The following SLC39A11 variants were observed in gnomAD, a reference collection of about 807,000 sequenced individuals.
The protein encoded by SLC39A11 is zinc transporter ZIP11.
Under a neutral mutation model 36.1 loss-of-function variants are expected in SLC39A11, and 33 were observed. The observed-to-expected ratio is 0.91, with a 90% CI of 0.69 to 1.22. The LOEUF is 1.22. SLC39A11 is among the 50% of genes most tolerant of loss of function. SLC39A11 has a pLI of 0.00. For synonymous variants in SLC39A11, 166 were observed against 170.3 expected, an observed-to-expected ratio of 0.97 and a Z score of 0.20; for missense variants, 432 against 430.3, an observed-to-expected ratio of 1.00 and a Z score of -0.03.
chr17:72,761,337 A>T (rs11077631), intron 6 of SLC39A11, among the ~76,000 whole-genome samples: 18,759 of 151,494 alleles, frequency 0.12, 1,265 homozygotes, highest in Middle Eastern at 0.19. Flanking sequence ...CTGGTCTCGA[A>T]CTCCTGACCT....
At chr17:72,963,784 A>T (rs910750692) in intron 4 of SLC39A11, among the ~76,000 whole-genome samples, 1 of 152,184 alleles carries the variant, frequency 6.6e-6, no homozygotes, top group Non-Finnish European at 1.5e-5. Flanking sequence ...TCAGCCATCC[A>T]GGGAAGATAT....
At chr17:73,008,890 C>CA (rs200771104) in intron 4 of SLC39A11, among the ~76,000 whole-genome samples, 29 of 148,744 alleles carry the variant, frequency 1.9e-4, no homozygotes, top group African/African-American at 5.8e-4. Context: ...GCTGTCACTA[C>CA]AAAAAAAAAT....
chr17:72,903,125 G>A (rs2082478874), intron 5 of SLC39A11, among the ~76,000 whole-genome samples: 1 of 152,032 alleles, frequency 6.6e-6, no homozygotes, highest in Non-Finnish European at 1.5e-5. Context: ...AATTAGCAGG[G>A]CGTGGTGGCA....
chr17:72,761,501 G>A (rs1402551005), intron 6 of SLC39A11, among the ~76,000 whole-genome samples: 1 of 152,190 alleles, frequency 6.6e-6, no homozygotes, highest in African/African-American at 2.4e-5. Flanking sequence ...TGAAAGGGGA[G>A]GGTGATGTCT....
intron 6 of SLC39A11, among the ~76,000 whole-genome samples, chr17:72,738,624 C>A (rs563590098): frequency 6.6e-6 from 1 of 152,280 alleles, no homozygotes; most frequent in South Asian, 2.1e-4. Flanking sequence ...AGCATCAGGG[C>A]GCTTCTGACA....
intron 6 of SLC39A11, among the ~76,000 whole-genome samples, chr17:72,762,701 C>T (rs959045568): frequency 4.6e-5 from 7 of 152,252 alleles, no homozygotes; most frequent in African/African-American, 1.7e-4. Context: ...GGATCAGGAC[C>T]CCTTTCCAGT....
chr17:72,740,688 T>C (rs1014731956), intron 6 of SLC39A11, among the ~76,000 whole-genome samples: 1 of 152,160 alleles, frequency 6.6e-6, no homozygotes, highest in African/African-American at 2.4e-5. Flanking sequence ...CTGAGAGAGA[T>C]CACTTTTTAC....
chr17:72,866,401 A>T (rs1567850392), intron 5 of SLC39A11, among the ~76,000 whole-genome samples: 1 of 152,214 alleles, frequency 6.6e-6, no homozygotes, highest in Non-Finnish European at 1.5e-5. Flanking sequence ...TATCTATTAC[A>T]ATGCAATAAT....
intron 5 of SLC39A11, among the ~76,000 whole-genome samples, chr17:72,917,081 T>C (rs566141424): frequency 2.0e-5 from 3 of 152,212 alleles, no homozygotes; most frequent in Non-Finnish European, 4.4e-5. Context: ...GTCCACCGCT[T>C]GGTAAAAGGA....
intron 3 of SLC39A11, among the ~76,000 whole-genome samples, chr17:73,065,595 T>C (rs559883767): frequency 6.6e-6 from 1 of 152,226 alleles, no homozygotes; most frequent in South Asian, 2.1e-4. Context: ...GATATTAAGT[T>C]ACTGTCAGCC....
intron 7 of SLC39A11, among the ~76,000 whole-genome samples, chr17:72,697,457 G>C (rs945279848): frequency 1.3e-5 from 2 of 152,152 alleles, no homozygotes; most frequent in African/African-American, 4.8e-5. Context: ...TTTGCTCCCA[G>C]TAAGATCAGG....
At chr17:72,852,813 A>T (rs955912980) in intron 5 of SLC39A11, among the ~76,000 whole-genome samples, 1 of 152,208 alleles carries the variant, frequency 6.6e-6, no homozygotes, top group African/African-American at 2.4e-5. Flanking sequence ...AATGCTAAAG[A>T]CATAAGCAAA....
intron 7 of SLC39A11, among the ~76,000 whole-genome samples, chr17:72,722,847 G>A (rs927812118): frequency 1.3e-5 from 2 of 152,064 alleles, no homozygotes; most frequent in Non-Finnish European, 2.9e-5. Flanking sequence ...TGTTTGCCAA[G>A]CCGGTCTGTA....
At chr17:72,807,261 C>T (rs1480235085) in intron 6 of SLC39A11, among the ~76,000 whole-genome samples, 3 of 152,168 alleles carry the variant, frequency 2.0e-5, no homozygotes, top group Non-Finnish European at 4.4e-5. Flanking sequence ...CTTTATCTTT[C>T]ATACCGAAGG....
chr17:72,915,853 A>G (rs1186021924), intron 5 of SLC39A11, among the ~76,000 whole-genome samples: 2 of 152,216 alleles, frequency 1.3e-5, no homozygotes, highest in African/African-American at 2.4e-5. Context: ...AAGTCTGCTA[A>G]GTAGACATTT....
intron 5 of SLC39A11, among the ~76,000 whole-genome samples, chr17:72,881,916 G>A (rs1332966346): frequency 1.3e-5 from 2 of 152,288 alleles, no homozygotes; most frequent in Middle Eastern, 3.4e-3. Flanking sequence ...TAAATATGAA[G>A]GTGTTGGCCA....
At chr17:72,810,342 C>T (rs1187443440) in intron 6 of SLC39A11, among the ~76,000 whole-genome samples, 5 of 152,120 alleles carry the variant, frequency 3.3e-5, no homozygotes, top group African/African-American at 1.2e-4. Context: ...ACTGGAAACA[C>T]CCAAGCATCC....
At chr17:73,021,352 T>A (rs574866211) in intron 4 of SLC39A11, among the ~76,000 whole-genome samples, 1 of 152,198 alleles carries the variant, frequency 6.6e-6, no homozygotes, top group African/African-American at 2.4e-5. Context: ...CTTTCTTTTT[T>A]TTTTTAAGAC....
intron 4 of SLC39A11, among the ~76,000 whole-genome samples, chr17:72,970,081 T>C (rs977959758): frequency 1.3e-5 from 2 of 152,222 alleles, no homozygotes; most frequent in African/African-American, 2.4e-5. Flanking sequence ...AAAATGTTAA[T>C]AGTCCCCAAA....
Sources: gnomAD v4.1 joint callset for allele counts (sites outside exome capture counted in the v4.1 genomes callset) on GRCh38, gnomAD v4.1.1 for gene constraint, MANE v1.5 for transcripts, NCBI Gene and HGNC (gene_info 2026-07-23, HGNC 2026-07-21) for gene names.